PHF13: variants seen among roughly 807,000 people sequenced by gnomAD.
PHF13 encodes PHD zinc finger protein PHF5.
A neutral mutation model predicts 25.8 loss-of-function variants in PHF13; 1 was observed. The ratio of observed to expected loss-of-function variants is 0.04; its 90% CI spans 0.01 to 0.18. PHF13 has a LOEUF of 0.18. PHF13 is among the 10% of genes least tolerant of loss of function. The pLI, the probability that PHF13 is intolerant of heterozygous loss-of-function variation, is 1.00. For synonymous variants in PHF13, 195 were observed against 162.4 expected, an observed-to-expected ratio of 1.20 and a Z score of -1.53; for missense variants, 306 against 403.2, an observed-to-expected ratio of 0.76 and a Z score of 2.06.
rs1396185183 is a variant in PHF13 at position 6,623,512 on chromosome 1, A to T, written c.*1875A>T. ...AAAGTGTTTTTCTGCTTTGAAAAAA[A>T]AAAATTCCACAAGCTTTTAAAGGTG... On this transcript the variant is annotated 3_prime_UTR_variant, in exon 4 of 4. Transcript: ENST00000377648. The T allele has an allele frequency of 6.6e-6, 1 of 152,590 alleles. No homozygotes were observed. The highest frequency in any genetic ancestry group is 1.9e-4 in the East Asian group (1 of 5,188). 9.5% of individuals were successfully genotyped at this position (152,590 alleles called of 1,614,324 possible). A position where few individuals can be genotyped will look rare whatever the true frequency, so the allele number is the denominator to read the frequency against.
Position 6,619,959 on chromosome 1 carries a change from C to G in PHF13, c.298C>G (p.Arg100Gly). 1 of 1,613,810 alleles carries G rather than the reference C, an allele frequency of 6.2e-7. No homozygotes were observed. The highest frequency in any genetic ancestry group is 8.5e-7 in the Non-Finnish European group (1 of 1,180,006). ...FSHLQPTLLQRAKPSNFLLDR... is the reference protein window; with the variant it reads ...FSHLQPTLLQGAKPSNFLLDR... Reference sequence around the variant, plus strand: ...CCACCTGCAGCCTACTCTCTTGCAGCGAGCCAAGCCCAGTAACTTCCTGCT... The same window carrying G: ...CCACCTGCAGCCTACTCTCTTGCAGGGAGCCAAGCCCAGTAACTTCCTGCT... The change falls in exon 3 of 4, where the codon CGA (arginine) becomes GGA (glycine). Residue 100 changes from arginine to glycine, a missense_variant. Transcript: ENST00000377648.
In PHF13 at chr1:6,616,321, C is replaced by T. The variant is rs180787136; in HGVS notation, c.40-436C>T. On this transcript the variant is annotated intron_variant, in intron 1 of 3. Coordinates refer to ENST00000377648, the MANE Select transcript of PHF13 (RefSeq NM_153812.3). Reference sequence around the variant, plus strand: ...GGATTACAGACGAGAGCCACCGCGCCCGGCGAGTGGTTGATTTTTGAAATC... The same window carrying T: ...GGATTACAGACGAGAGCCACCGCGCTCGGCGAGTGGTTGATTTTTGAAATC... Among the ~76,000 whole-genome samples, 11 of 152,268 alleles carry T rather than the reference C, an allele frequency of 7.2e-5. No homozygotes were observed. The East Asian group carries it at 1.4e-3, about 19-fold the overall frequency.
chr1:6,615,387 G>A (rs973267593), intron 1 of PHF13, among the ~76,000 whole-genome samples: 4 of 152,240 alleles, frequency 2.6e-5, no homozygotes, highest in African/African-American at 4.8e-5. Context: ...CTTCGCCTCC[G>A]CTCCGTGGGC....
Position 6,621,459 on chromosome 1 carries a change from C to T in PHF13, c.725C>T (p.Ala242Val), listed in dbSNP as rs868477018. The T allele has an allele frequency of 1.2e-6, 2 of 1,614,110 alleles. No homozygotes were observed. Among genetic ancestry groups the T allele is most frequent in the African/African-American group, 2.7e-5 (2 of 75,026 alleles). The change falls in exon 4 of 4, where the codon GCC becomes GTC. Residue 242 changes from alanine to valine, a missense_variant. By Grantham distance (64) the Ala-to-Val change is moderately conservative. This residue lies in a region of PHF13 where 13 missense variants were observed against 67.7 expected (regional missense o/e 0.19). Transcript: ENST00000377648. This position sits in a 1 kb window ranked among gnomAD's most constrained non-coding sequence, Gnocchi z 4.8. ...ACCTGCTTCTGCATGAAGCCATTTG[C>T]CGGCCGCCCCATGATCGAGTGTAAT... The part of the protein sequence containing the change: ...LVTCFCMKPF[A>V]GRPMIECNEC...
rs767852761 is a variant in PHF13 at position 6,620,015 on chromosome 1, G to A, written c.354G>A (p.Lys118=). The part of the protein sequence containing the change: ...LDRKKTDKLK[K]KKKRKRRDSD... ...GAAAGAAAACGGACAAGCTGAAGAA[G>A]AAGAAGAAGAGGAAGCGCAGGGACA... Residue 118 remains lysine (K), a synonymous_variant, in exon 3 of 4, where the codon AAG becomes AAA. Coordinates refer to ENST00000377648, the MANE Select transcript of PHF13 (RefSeq NM_153812.3). 1.5e-5 allele frequency: 25 copies of A among 1,613,626 alleles called. No individual in the cohort carries two copies. Among genetic ancestry groups the A allele is most frequent in the Non-Finnish European group, 2.1e-5 (25 of 1,179,978 alleles).
Position 6,621,469 on chromosome 1 carries a change from C to T in PHF13, c.735C>T (p.Pro245=), listed in dbSNP as rs1294585073. ...CFCMKPFAGR[P]MIECNECHTW... ...GCATGAAGCCATTTGCCGGCCGCCCCATGATCGAGTGTAATGAGTGCCACA... is the reference window on the plus strand; with the variant it reads ...GCATGAAGCCATTTGCCGGCCGCCCTATGATCGAGTGTAATGAGTGCCACA... The change falls in exon 4 of 4, where the codon CCC becomes CCT. Residue 245 remains proline, a synonymous_variant. Coordinates refer to ENST00000377648, the MANE Select transcript of PHF13 (RefSeq NM_153812.3). This position sits in a 1 kb window ranked among gnomAD's most constrained non-coding sequence, Gnocchi z 4.8. 1.9e-6 allele frequency: 3 copies of T among 1,614,016 alleles called. No individual in the cohort carries two copies. Among genetic ancestry groups the T allele is most frequent in the Non-Finnish European group, 2.5e-6 (3 of 1,180,030 alleles).
At chr1:6,617,232 G>T (rs147490853) in intron 2 of PHF13, among the ~76,000 whole-genome samples, 1 of 151,486 alleles carries the variant, frequency 6.6e-6, no homozygotes, top group African/African-American at 2.4e-5. Context: ...GATGACAGGC[G>T]TGCGCCACCA....
chr1:6,620,199 T>C lies in PHF13; in HGVS notation c.538T>C (p.Ser180Pro), dbSNP rs753334029. The C allele has an allele frequency of 1.1e-5, 18 of 1,613,826 alleles. No homozygotes were observed. The highest frequency in any genetic ancestry group is 1.4e-5 in the Non-Finnish European group (17 of 1,180,020). Reference sequence around the variant, plus strand: ...GGACTCCGATACTCCCTCGAGTGGATCTTGTGCCACTGTGTCACCTGATCA... The same window carrying C: ...GGACTCCGATACTCCCTCGAGTGGACCTTGTGCCACTGTGTCACCTGATCA... ...GWDSDTPSSG[S>P]CATVSPDQVK... The change falls in exon 3 of 4, where the codon TCT becomes CCT. Residue 180 changes from serine (S) to proline (P), a missense_variant. By Grantham distance (74) the Ser-to-Pro change is moderately conservative (BLOSUM62 -1). This residue lies in a region of PHF13 where 186 missense variants were observed against 164.0 expected (regional missense o/e 1.13). Transcript: ENST00000377648.
Position 6,621,324 on chromosome 1 carries a change from A to G in PHF13, c.677-87A>G. The G allele has an allele frequency of 1.4e-6, 2 of 1,384,084 alleles. No individual in the cohort carries two copies. The highest frequency in any genetic ancestry group is 2.4e-5 in the East Asian group (1 of 42,070). The allele number at this position is 1,384,084 out of a possible 1,614,324, so 85.7% of individuals were successfully genotyped here. ...GGCAGTTGGAAGTGTTCTCGTCAGT[A>G]GAGTTAATGGGTTTCATGGAAGCCC... On this transcript the variant is annotated intron_variant, in intron 3 of 3. Transcript: ENST00000377648. The surrounding 1 kb of genome is among the most constrained non-coding windows in gnomAD (Gnocchi z 4.8).
At chr1:6,616,970 TGC>T (rs1641270617) in intron 2 of PHF13, 112 bp downstream of exon 2, 1 of 814,606 alleles carries the variant, frequency 1.2e-6, no homozygotes, top group Admixed American at 2.1e-5. Flanking sequence ...TGGAAGGGGC[TGC>T]TTGTGGTGAC....
chr1:6,614,777 C>T (rs1357424829), intron 1 of PHF13, among the ~76,000 whole-genome samples: 4 of 151,026 alleles, frequency 2.6e-5, no homozygotes, highest in Admixed American at 6.6e-5. Context: ...TTTGCTGGCT[C>T]CGCCCCGGCT....
At chr1:6,615,261 C>T (rs1235611253) in intron 1 of PHF13, among the ~76,000 whole-genome samples, 3 of 152,112 alleles carry the variant, frequency 2.0e-5, no homozygotes, top group South Asian at 4.1e-4. Context: ...TGACCCACTT[C>T]TGCTGGTTCC....
intron 2 of PHF13, among the ~76,000 whole-genome samples, chr1:6,619,537 C>T (rs1405561239): frequency 2.0e-5 from 3 of 152,166 alleles, no homozygotes; most frequent in Admixed American, 2.0e-4. Context: ...TGGGGTTTCA[C>T]CATGTTGGCC....
chr1:6,617,883 T>TAGGTCACC (rs1175610196), intron 2 of PHF13, among the ~76,000 whole-genome samples: 1 of 152,186 alleles, frequency 6.6e-6, no homozygotes, highest in African/African-American at 2.4e-5. Context: ...AACTTTGTCT[T>TAGGTCACC]AGGTCACCCA....
chr1:6,621,998 C>G lies in PHF13; in HGVS notation c.*361C>G. 2.8e-6 allele frequency: 1 copy of G among 359,880 alleles called. No homozygotes were observed. Among genetic ancestry groups the G allele is most frequent in the South Asian group, 2.5e-5 (1 of 40,358 alleles). 22.3% of individuals were successfully genotyped at this position (359,880 alleles called of 1,614,324 possible). A position where few individuals can be genotyped will look rare whatever the true frequency, so the allele number is the denominator to read the frequency against. ...CTCAGTGCCAGCTGTTATTCTGCTT[C>G]CACTGTGTTGGGGAGAGGTGTTCGG... On this transcript the variant is annotated 3_prime_UTR_variant, in exon 4 of 4. Transcript: ENST00000377648. This position sits in a 1 kb window ranked among gnomAD's most constrained non-coding sequence, Gnocchi z 4.8.
intron 1 of PHF13, among the ~76,000 whole-genome samples, chr1:6,616,357 C>T (rs539804156): frequency 6.6e-6 from 1 of 152,296 alleles, no homozygotes; most frequent in East Asian, 1.9e-4. Flanking sequence ...ACTTAACATA[C>T]ATCAGTTCCA....
rs529758916 is a variant in PHF13 at position 6,614,004 on chromosome 1, C to G, written c.-63C>G. The G allele has an allele frequency of 2.2e-6, 3 of 1,346,314 alleles. No homozygotes were observed. In the Admixed American group the frequency reaches 5.9e-5, roughly 26 times the overall value. The allele number at this position is 1,346,314 out of a possible 1,614,324, so 83.4% of individuals were successfully genotyped here. On this transcript the variant is annotated 5_prime_UTR_variant, in exon 1 of 4. Coordinates refer to ENST00000377648, the MANE Select transcript of PHF13 (RefSeq NM_153812.3). ...AGCCGCCCGAGCCCCCAGCCCCGGG[C>G]GGCCCCGCTCCAGCATCCCAGCTCC... is the stretch of plus-strand genomic sequence containing the variant.
intron 1 of PHF13, among the ~76,000 whole-genome samples, chr1:6,614,924 C>A (rs1259200124): frequency 6.6e-6 from 1 of 150,542 alleles, no homozygotes; most frequent in African/African-American, 2.4e-5. Context: ...GGGGAGGCGG[C>A]GCCGGAGCCC....
Position 6,613,842 on chromosome 1 carries a change from C to T in PHF13, c.-225C>T. 2 of 421,022 alleles carry T rather than the reference C, an allele frequency of 4.8e-6. No homozygotes were observed. The highest frequency in any genetic ancestry group is 8.5e-6 in the Non-Finnish European group (2 of 235,642). The allele number at this position is 421,022 out of a possible 1,614,324, so 26.1% of individuals were successfully genotyped here. On this transcript the variant is annotated 5_prime_UTR_variant, in exon 1 of 4. Coordinates refer to ENST00000377648, the MANE Select transcript of PHF13 (RefSeq NM_153812.3). ...TGCAGCCACTCTCCCGCCTCTACCG[C>T]CGCGGGAGCTGCATCGTCCACTCCG... is the stretch of plus-strand genomic sequence containing the variant.
Sources: allele counts gnomAD v4.1 joint callset (sites outside exome capture counted in the v4.1 genomes callset), GRCh38; gene constraint gnomAD v4.1.1; regional missense constraint gnomAD v4.1.1; non-coding constraint Gnocchi (gnomAD v3.1); transcripts MANE v1.5; gene names NCBI Gene and HGNC (gene_info 2026-07-23, HGNC 2026-07-21).